The following GALNT13 variants were observed in gnomAD, a reference collection of about 807,000 sequenced individuals.
GALNT13 encodes polypeptide N-acetylgalactosaminyltransferase 13.
A neutral mutation model predicts 64.2 loss-of-function variants in GALNT13; 28 were observed. The observed-to-expected ratio is 0.44, with a 90% CI of 0.32 to 0.60. The LOEUF is 0.60. GALNT13 is among the 20% of genes least tolerant of loss of function. The pLI, the probability that GALNT13 is intolerant of heterozygous loss-of-function variation, is 0.05. For missense variants in GALNT13, 577 were observed against 669.8 expected, an observed-to-expected ratio of 0.86 and a Z score of 1.53; for synonymous variants, 214 against 224.6, an observed-to-expected ratio of 0.95 and a Z score of 0.42.
At chr2:154,026,162 A>T (rs1697949155) in intron 3 of GALNT13, among the ~76,000 whole-genome samples, 1 of 152,198 alleles carries the variant, frequency 6.6e-6, no homozygotes, top group South Asian at 2.1e-4. Flanking sequence ...TGAGAAATCT[A>T]CTGGAAGAGT....
chr2:154,375,048 G>A (rs979311915), intron 9 of GALNT13, among the ~76,000 whole-genome samples: 1 of 152,100 alleles, frequency 6.6e-6, no homozygotes, highest in Admixed American at 6.5e-5. Context: ...GTGCAGTGGC[G>A]CAATCTCGGC....
At chr2:154,349,143 G>A (rs142646924) in intron 9 of GALNT13, among the ~76,000 whole-genome samples, 6 of 152,236 alleles carry the variant, frequency 3.9e-5, no homozygotes, top group Admixed American at 1.3e-4. Context: ...ATGAGCAATC[G>A]TCAGTAAACA....
chr2:153,212,453 T>C, the GALNT13 span, among the ~76,000 whole-genome samples: 3 of 152,320 alleles, frequency 2.0e-5, no homozygotes, highest in African/African-American at 7.2e-5. Context: ...TCAAAGGAGC[T>C]TGAAGATCAC....
the GALNT13 span, among the ~76,000 whole-genome samples, chr2:153,754,933 C>T: frequency 7.2e-5 from 11 of 152,122 alleles, no homozygotes; most frequent in African/African-American, 2.7e-4. Flanking sequence ...TGGGTGGATG[C>T]CAGCTGAGTT....
the GALNT13 span, among the ~76,000 whole-genome samples, chr2:153,129,975 G>A: frequency 6.6e-6 from 1 of 152,174 alleles, no homozygotes; most frequent in Non-Finnish European, 1.5e-5. Flanking sequence ...TCAAAAGGCG[G>A]CTGTGAGGAT....
At chr2:153,330,415 A>T in the GALNT13 span, among the ~76,000 whole-genome samples, 1 of 152,008 alleles carries the variant, frequency 6.6e-6, no homozygotes, top group Non-Finnish European at 1.5e-5. Context: ...AATATCCTCC[A>T]TTTGTTTGTG....
At chr2:154,087,970 G>A (rs1558950602) in intron 3 of GALNT13, among the ~76,000 whole-genome samples, 1 of 152,154 alleles carries the variant, frequency 6.6e-6, no homozygotes, top group East Asian at 1.9e-4. Context: ...TTCCAATAAT[G>A]CTTTTTTTAA....
At chr2:153,451,521 T>G in the GALNT13 span, among the ~76,000 whole-genome samples, 1 of 152,170 alleles carries the variant, frequency 6.6e-6, no homozygotes, top group Admixed American at 6.5e-5. Context: ...ATTAAATTCT[T>G]TCTGCTCCAT....
intron 9 of GALNT13, among the ~76,000 whole-genome samples, chr2:154,357,963 C>A (rs1471026599): frequency 6.6e-6 from 1 of 152,060 alleles, no homozygotes; most frequent in Non-Finnish European, 1.5e-5. Flanking sequence ...ATCTTCTATA[C>A]TGAGTTTCTG....
At chr2:154,372,894 C>G (rs148231101) in intron 9 of GALNT13, among the ~76,000 whole-genome samples, 1 of 151,846 alleles carries the variant, frequency 6.6e-6, no homozygotes, top group East Asian at 1.9e-4. Context: ...TACTTTTTGC[C>G]CTTTTCAATA....
chr2:153,457,776 T>C, the GALNT13 span, among the ~76,000 whole-genome samples: 1 of 152,242 alleles, frequency 6.6e-6, no homozygotes, highest in East Asian at 1.9e-4. Flanking sequence ...TTCATCTTTA[T>C]TGCATAACTC....
At chr2:153,333,260 C>T in the GALNT13 span, among the ~76,000 whole-genome samples, 1 of 152,226 alleles carries the variant, frequency 6.6e-6, no homozygotes, top group Non-Finnish European at 1.5e-5. Flanking sequence ...CTTCCCAAGA[C>T]AGCTCCAGTG....
At chr2:154,057,280 C>T (rs1014039296) in intron 3 of GALNT13, among the ~76,000 whole-genome samples, 3 of 152,244 alleles carry the variant, frequency 2.0e-5, no homozygotes, top group South Asian at 2.1e-4. Context: ...CTGCCTGCCT[C>T]GGCCCCCCAA....
intron 9 of GALNT13, among the ~76,000 whole-genome samples, chr2:154,389,066 T>C (rs1419236164): frequency 6.6e-6 from 1 of 152,134 alleles, no homozygotes; most frequent in African/African-American, 2.4e-5. Context: ...AATACGAGAG[T>C]TGTATTTTGT....
chr2:153,472,781 T>C, the GALNT13 span, among the ~76,000 whole-genome samples: 1 of 152,166 alleles, frequency 6.6e-6, no homozygotes, highest in African/African-American at 2.4e-5. Context: ...GTTAAACAAA[T>C]GAAAATAAGC....
chr2:153,414,248 A>T, the GALNT13 span, among the ~76,000 whole-genome samples: 1 of 151,858 alleles, frequency 6.6e-6, no homozygotes, highest in Admixed American at 6.6e-5. Context: ...AGTGGCGTGC[A>T]TCTGTAATCC....
the GALNT13 span, among the ~76,000 whole-genome samples, chr2:153,359,544 A>G: frequency 6.7e-6 from 1 of 150,374 alleles, no homozygotes; most frequent in African/African-American, 2.4e-5. Flanking sequence ...CTGAAAATAT[A>G]AAGAGAGACG....
chr2:153,981,870 A>G (rs1354781076), intron 3 of GALNT13, among the ~76,000 whole-genome samples: 1 of 152,046 alleles, frequency 6.6e-6, no homozygotes, highest in African/African-American at 2.4e-5. Flanking sequence ...CCTGATATGT[A>G]TATTTTTCTT....
intron 3 of GALNT13, among the ~76,000 whole-genome samples, chr2:153,991,140 A>G (rs1031474278): frequency 1.2e-4 from 19 of 152,210 alleles, no homozygotes; most frequent in African/African-American, 4.1e-4. Context: ...ACAGCATTGC[A>G]TAGATTTCAA....
Sources: allele counts gnomAD v4.1 joint callset (sites outside exome capture counted in the v4.1 genomes callset), GRCh38; gene constraint gnomAD v4.1.1; transcripts MANE v1.5; gene names NCBI Gene and HGNC (gene_info 2026-07-23, HGNC 2026-07-21).